The following AKR7A3 variants were observed in gnomAD, a reference collection of about 807,000 sequenced individuals.
AKR7A3 encodes AFB1 aldehyde reductase 2.
In AKR7A3, 37 loss-of-function variants were observed where a neutral mutation model predicts 32.5. That is an observed-to-expected ratio of 1.14 (90% CI 0.88 to 1.50). The LOEUF (loss-of-function observed/expected upper bound fraction) is 1.50, where lower values mean the gene tolerates loss of function less well. Ranked by LOEUF, AKR7A3 falls within the 40% of genes most tolerant of loss-of-function variation. The pLI, the probability that AKR7A3 is intolerant of heterozygous loss-of-function variation, is 0.00. For missense variants in AKR7A3, 412 were observed against 453.2 expected (o/e 0.91, Z 0.83); for synonymous variants, 177 against 188.4 (o/e 0.94, Z 0.50).
At chr1:19,283,833 C>CCA (rs2093723124) in intron 6 of AKR7A3, among the ~76,000 whole-genome samples, 163 bp downstream of exon 6, 1 of 142,816 alleles carries the variant, frequency 7.0e-6, no homozygotes, top group South Asian at 2.2e-4. Flanking sequence ...TCTGTCCCCC[C>CCA]AAAAAAAAAA....
At chr1:19,285,269 T>C (rs1382692710) in intron 3 of AKR7A3, among the ~76,000 whole-genome samples, 155 bp from the exon 4 acceptor site, 1 of 151,952 alleles carries the variant, frequency 6.6e-6, no homozygotes, top group Non-Finnish European at 1.5e-5. Context: ...TGAAAGAAGC[T>C]TATGCCCATG....
At chr1:19,283,814 G>C (rs1164211860) in intron 6 of AKR7A3, among the ~76,000 whole-genome samples, 182 bp downstream of exon 6, 1 of 151,878 alleles carries the variant, frequency 6.6e-6, no homozygotes, top group East Asian at 1.9e-4. Context: ...CTGGGTGACA[G>C]AGTGAGACTC....
At chr1:19,288,195 G>C (rs1359910676) in intron 1 of AKR7A3, among the ~76,000 whole-genome samples, 1 of 152,216 alleles carries the variant, frequency 6.6e-6, no homozygotes, top group African/African-American at 2.4e-5. Context: ...TTGTGCTCCA[G>C]AGAGGGGCTA....
chr1:19,275,112 T>C, the AKR7A3 span, among the ~76,000 whole-genome samples: 3 of 151,412 alleles, frequency 2.0e-5, no homozygotes, highest in Non-Finnish European at 4.4e-5. Flanking sequence ...CAGAGATAAG[T>C]TAAAAGTAAA....
In AKR7A3 at chr1:19,282,763, C is replaced by G. The variant is rs774432130; in HGVS notation, c.964G>C (p.Val322Leu). The G allele has an allele frequency of 1.1e-5, 17 of 1,613,652 alleles. 1 individual carries two copies. Among genetic ancestry groups the G allele is most frequent in the African/African-American group, 8.1e-5 (6 of 74,518 alleles). The change falls in exon 7 of 7, where the codon GTT (valine) becomes CTT (leucine). Residue 322 changes from valine to leucine, a missense_variant. Transcript: ENST00000361640. Reference sequence around the variant, plus strand: ...AAGTAGTTGGGACATTCGTGAGTAACCAAATGCCAGGCTTGATTAAAGGCG... The same window carrying G: ...AAGTAGTTGGGACATTCGTGAGTAAGCAAATGCCAGGCTTGATTAAAGGCG... ...VDAFNQAWHL[V>L]THECPNYFR
At chr1:19,288,325 C>T (rs556934672) in intron 1 of AKR7A3, among the ~76,000 whole-genome samples, 171 bp downstream of exon 1, 4 of 138,588 alleles carry the variant, frequency 2.9e-5, no homozygotes, top group African/African-American at 5.4e-5. Flanking sequence ...CGGAGCTAGA[C>T]GTGCCTAAGG....
rs113006224 is a variant in AKR7A3, at chr1:19,285,007, G to T, written c.604+11C>A. ...AATAGGCTGAGACAGGGCCAGGAAT[G>T]CTCCACGTACCAGCCAGAGGGTTGA... On this transcript the variant is annotated intron_variant, in intron 4 of 6. Transcript: ENST00000361640. 1.4e-5 allele frequency: 23 copies of T among 1,612,246 alleles called. 1 individual carries two copies. In the African/African-American group the frequency reaches 2.4e-4, roughly 17 times the overall value.
chr1:19,284,876 C>G lies in AKR7A3; in HGVS notation c.605-91G>C, dbSNP rs1212752157. The G allele has an allele frequency of 1.9e-6, 3 of 1,568,918 alleles. No homozygotes were observed. The South Asian group carries it at 3.3e-5, about 17-fold the overall frequency. On this transcript the variant is annotated intron_variant, in intron 4 of 6. Transcript: ENST00000361640. ...CTCTGGTCTAGGGGAGGGGCAGGGA[C>G]CCAGGAGGGCTGAAGATGCAGCCTT...
chr1:19,275,062 A>G, the AKR7A3 span, among the ~76,000 whole-genome samples: 8 of 151,820 alleles, frequency 5.3e-5, no homozygotes, highest in Admixed American at 2.0e-4. Context: ...GCAAAACACA[A>G]GTATATAGTA....
At chr1:19,284,166 T>C in intron 5 of AKR7A3, 41 bp from the exon 6 acceptor site, 3 of 1,579,046 alleles carry the variant, frequency 1.9e-6, no homozygotes, top group East Asian at 4.5e-5. Flanking sequence ...AGGGCCACAT[T>C]GGGAGCCACA....
rs540658174 is a variant in AKR7A3 at position 19,282,755 on chromosome 1, G to A, written c.972C>T (p.His324=). The change falls in exon 7 of 7, where the codon CAC becomes CAT. Residue 324 remains histidine, a synonymous_variant. Transcript: ENST00000361640. The part of the protein sequence containing the change: ...AFNQAWHLVT[H]ECPNYFR ...CCTAGCGGAAGTAGTTGGGACATTCGTGAGTAACCAAATGCCAGGCTTGAT... is the reference window on the plus strand; with the variant it reads ...CCTAGCGGAAGTAGTTGGGACATTCATGAGTAACCAAATGCCAGGCTTGAT... The A allele has an allele frequency of 9.3e-6, 15 of 1,613,848 alleles. No homozygotes were observed. Among genetic ancestry groups the A allele is most frequent in the Middle Eastern group, 1.6e-4 (1 of 6,062 alleles).
In AKR7A3 at chr1:19,282,724, G is replaced by C. The variant is rs757570063; in HGVS notation, c.*7C>G. On this transcript the variant is annotated 3_prime_UTR_variant, in exon 7 of 7. Transcript: ENST00000361640. ...AAGAGCCTTGGGCAGCCTGAGAAAC[G>C]ATGGGCCTAGCGGAAGTAGTTGGGA... 37 of 1,613,824 alleles carry C rather than the reference G, an allele frequency of 2.3e-5. No individual in the cohort carries two copies. The highest frequency in any genetic ancestry group is 3.1e-5 in the Non-Finnish European group (36 of 1,180,032).
intron 5 of AKR7A3, 78 bp downstream of exon 5, chr1:19,284,608 C>T: frequency 6.8e-7 from 1 of 1,473,988 alleles, no homozygotes; most frequent in Non-Finnish European, 9.5e-7. Context: ...AAGGCCTTAC[C>T]CCAGGAGCAG....
chr1:19,282,740 G>A lies in AKR7A3; in HGVS notation c.987C>T (p.Tyr329=), dbSNP rs554690808. 8.7e-6 allele frequency: 14 copies of A among 1,613,884 alleles called. No individual in the cohort carries two copies. In the East Asian group the frequency reaches 2.9e-4, roughly 33 times the overall value. Residue 329 remains tyrosine (Y), a synonymous_variant, in exon 7 of 7, where the codon TAC becomes TAT. Coordinates refer to ENST00000361640, the MANE Select transcript of AKR7A3 (RefSeq NM_012067.3). ...CTGAGAAACGATGGGCCTAGCGGAA[G>A]TAGTTGGGACATTCGTGAGTAACCA... is the stretch of plus-strand genomic sequence containing the variant. ...WHLVTHECPN[Y]FR is the part of the protein sequence containing the mutation.
chr1:19,276,182 G>A, the AKR7A3 span, among the ~76,000 whole-genome samples: 1 of 151,442 alleles, frequency 6.6e-6, no homozygotes. Flanking sequence ...CCAAGATGGT[G>A]AAACCCCGTC....
chr1:19,281,261 TC>T (rs2093718462), downstream of AKR7A3, among the ~76,000 whole-genome samples: 2 of 151,874 alleles, frequency 1.3e-5, no homozygotes, highest in African/African-American at 4.9e-5. Context: ...CCAACTGTGT[TC>T]TTTTTCAAGC....
chr1:19,276,360 C>CAAAA, the AKR7A3 span, among the ~76,000 whole-genome samples: 2 of 111,324 alleles, frequency 1.8e-5, no homozygotes, highest in African/African-American at 3.6e-5. Flanking sequence ...GACTCCATCT[C>CAAAA]AAAAAAAAAA....
At chr1:19,286,552 C>T (rs745531036) in intron 1 of AKR7A3, among the ~76,000 whole-genome samples, 180 bp from the exon 2 acceptor site, 2 of 151,706 alleles carry the variant, frequency 1.3e-5, no homozygotes, top group Non-Finnish European at 2.9e-5. Context: ...TAGTGGAGCC[C>T]GCCTGTAGTC....
At chr1:19,281,449 C>T (rs1326056869), downstream of AKR7A3, among the ~76,000 whole-genome samples, 1 of 151,598 alleles carries the variant, frequency 6.6e-6, no homozygotes, top group African/African-American at 2.4e-5. Flanking sequence ...CCAGCCTGGA[C>T]AACATGGCAA....
Sources: gnomAD v4.1 joint callset for allele counts (sites outside exome capture counted in the v4.1 genomes callset) on GRCh38, gnomAD v4.1.1 for gene constraint, MANE v1.5 for transcripts, NCBI Gene and HGNC (gene_info 2026-07-23, HGNC 2026-07-21) for gene names.